The following MTCL1 variants were observed in gnomAD, a reference collection of about 807,000 sequenced individuals.
The protein encoded by MTCL1 is microtubule cross-linking factor 1.
In MTCL1, 79 loss-of-function variants were observed where a neutral mutation model predicts 141.4. The observed-to-expected ratio is 0.56, with a 90% CI of 0.47 to 0.67. The LOEUF (loss-of-function observed/expected upper bound fraction) is 0.67. Among genes scored for constraint, MTCL1 ranks in the 30% least tolerant of loss-of-function variants. MTCL1 has a pLI of 0.00. For synonymous variants in MTCL1, 914 were observed against 875.8 expected (o/e 1.04, Z -0.77); for missense variants, 2,177 against 2,113.9 (o/e 1.03, Z -0.59).
exon 15 of MTCL1, chr18:8,826,148 G>C: frequency 6.2e-7 from 1 of 1,613,432 alleles, no homozygotes; most frequent in South Asian, 1.1e-5. Flanking sequence ...TAAAGGAGGA[G>C]AGGAGGCAGG....
chr18:8,766,233 G>A (rs768359373), intron 4 of MTCL1, among the ~76,000 whole-genome samples: 7 of 152,246 alleles, frequency 4.6e-5, no homozygotes, highest in Non-Finnish European at 1.0e-4. Flanking sequence ...TTTCAGCAGG[G>A]TGTGCCAAAG....
At chr18:8,706,117 C>T in exon 1 of MTCL1, 1 of 1,212,714 alleles carries the variant, frequency 8.2e-7, no homozygotes, top group Non-Finnish European at 1.0e-6. Flanking sequence ...AGCCGAGCCG[C>T]CGTCTGCCGC....
intron 4 of MTCL1, among the ~76,000 whole-genome samples, chr18:8,756,543 G>A (rs980444967): frequency 0.014 from 2,007 of 144,534 alleles, 64 homozygotes; most frequent in African/African-American, 0.055. Flanking sequence ...GTATATATGT[G>A]TATATATATG....
At chr18:8,817,833 G>T (rs1025729300) in intron 12 of MTCL1, among the ~76,000 whole-genome samples, 1 of 152,160 alleles carries the variant, frequency 6.6e-6, no homozygotes, top group Non-Finnish European at 1.5e-5. Flanking sequence ...TCCAATAAAG[G>T]CACCATTAAA....
At chr18:8,776,693 C>T (rs966697360) in intron 4 of MTCL1, among the ~76,000 whole-genome samples, 12 of 151,952 alleles carry the variant, frequency 7.9e-5, no homozygotes, top group Non-Finnish European at 1.2e-4. Flanking sequence ...CTTCACACCA[C>T]TTTTTATCTG....
chr18:8,749,241 T>C (rs552896932), intron 4 of MTCL1, among the ~76,000 whole-genome samples: 138 of 152,302 alleles, frequency 9.1e-4, no homozygotes, highest in African/African-American at 3.1e-3. Context: ...CACCCCCAAA[T>C]GCAGTTGCCG....
intron 4 of MTCL1, among the ~76,000 whole-genome samples, chr18:8,773,457 ACTC>A (rs1277119638): frequency 6.6e-6 from 1 of 151,402 alleles, no homozygotes. Context: ...GCAAGATACT[ACTC>A]TTTTGTCTGT....
At chr18:8,826,430 A>G (rs1391534629) in intron 15 of MTCL1, among the ~76,000 whole-genome samples, 198 bp downstream of exon 14, 1 of 152,184 alleles carries the variant, frequency 6.6e-6, no homozygotes, top group African/African-American at 2.4e-5. Context: ...TTTGAAGAAA[A>G]TGTTATTTTA....
intron 4 of MTCL1, among the ~76,000 whole-genome samples, chr18:8,775,886 T>G (rs1264877982): frequency 6.6e-6 from 1 of 152,202 alleles, no homozygotes; most frequent in African/African-American, 2.4e-5. Context: ...TTTTATATTT[T>G]CCGGGTCTCC....
chr18:8,828,948 C>T lies in MTCL1; in HGVS notation c.*2C>T, dbSNP rs2077111049. On this transcript the variant is annotated 3_prime_UTR_variant, in exon 16 of 17. Coordinates refer to ENST00000359865, the Ensembl canonical transcript of MTCL1. The surrounding 1 kb of genome is among the most constrained non-coding windows in gnomAD (Gnocchi z 5.2). ...CTAACTGCCCCCTGGGGACTCTAGC[C>T]CTGCCCGCCTCACGCTGTAAGTGCT... is the stretch of plus-strand genomic sequence containing the variant. 2 of 1,614,108 alleles carry T rather than the reference C, an allele frequency of 1.2e-6. No individual in the cohort carries two copies. Among genetic ancestry groups the T allele is most frequent in the Admixed American group, 1.7e-5 (1 of 60,008 alleles).
chr18:8,825,104 C>G (rs199872444), exon 15 of MTCL1: 1 of 1,604,062 alleles, frequency 6.2e-7, no homozygotes, highest in Admixed American at 1.7e-5. Context: ...GCCCGCCTGC[C>G]GTGCGCAGGG....
chr18:8,809,401 A>C, intron 11 of MTCL1: 1 of 1,523,548 alleles, frequency 6.6e-7, no homozygotes, highest in Non-Finnish European at 8.8e-7. Context: ...GAAGTATGGA[A>C]TGAAAGAATA....
At chr18:8,707,495 C>T (rs1282449803) in intron 1 of MTCL1, 1 of 152,738 alleles carries the variant, frequency 6.5e-6, no homozygotes, top group East Asian at 1.9e-4. Flanking sequence ...GGTGCTTAAT[C>T]CGGCTCCATC....
chr18:8,767,243 G>A (rs1399969673), intron 4 of MTCL1, among the ~76,000 whole-genome samples: 1 of 152,248 alleles, frequency 6.6e-6, no homozygotes, highest in Non-Finnish European at 1.5e-5. Context: ...GAGAATTGCT[G>A]AAGATTTGCC....
chr18:8,737,671 A>G (rs897330687), intron 4 of MTCL1, among the ~76,000 whole-genome samples: 47 of 152,236 alleles, frequency 3.1e-4, no homozygotes, highest in African/African-American at 1.1e-3. Context: ...TTTATAAACG[A>G]TGCAGGCTAA....
intron 4 of MTCL1, among the ~76,000 whole-genome samples, chr18:8,720,749 C>A (rs1036329821): frequency 6.6e-6 from 1 of 152,232 alleles, no homozygotes; most frequent in Non-Finnish European, 1.5e-5. Context: ...GTGATGCTTG[C>A]AAAGCCTAAA....
intron 1 of MTCL1, among the ~76,000 whole-genome samples, chr18:8,710,115 C>T (rs2096078596): frequency 1.3e-5 from 2 of 152,190 alleles, no homozygotes; most frequent in Admixed American, 1.3e-4. Flanking sequence ...GCTGGGATTA[C>T]AGGCATGAGC....
chr18:8,733,210 C>T (rs539056765), intron 4 of MTCL1, among the ~76,000 whole-genome samples: 17 of 152,260 alleles, frequency 1.1e-4, no homozygotes, highest in Admixed American at 9.1e-4. Flanking sequence ...TGAGGTGAGA[C>T]GAGGCCGGGG....
At chr18:8,785,675 C>T (rs1164981104) in intron 6 of MTCL1, 2 of 480,770 alleles carry the variant, frequency 4.2e-6, no homozygotes, top group Non-Finnish European at 7.4e-6. Flanking sequence ...CCCACTTTCT[C>T]TTTTTGCTTT....
Sources: gnomAD v4.1 joint callset for allele counts (sites outside exome capture counted in the v4.1 genomes callset) on GRCh38, gnomAD v4.1.1 for gene constraint, Gnocchi (gnomAD v3.1) non-coding constraint, MANE v1.5 for transcripts, NCBI Gene and HGNC (gene_info 2026-07-23, HGNC 2026-07-21) for gene names.